The following AKAP12 variants were observed in gnomAD, a reference collection of about 807,000 sequenced individuals.
AKAP12 encodes the protein A-kinase anchoring protein 12.
AKAP12 carries 32 observed loss-of-function variants against 79.9 expected under a neutral mutation model. The observed-to-expected ratio is 0.40, with a 90% confidence interval of 0.30 to 0.54. The LOEUF is 0.54. Ranked by LOEUF, AKAP12 falls within the 20% of genes least tolerant of loss-of-function variation. AKAP12 has a pLI of 0.48. For missense variants in AKAP12, 2,074 were observed against 2,177.0 expected (o/e 0.95, Z 0.94); for synonymous variants, 808 against 857.0 (o/e 0.94, Z 1.00).
Position 151,349,654 on chromosome 6 carries a change from C to T in AKAP12, c.1263C>T (p.Val421=). 2 of 1,613,834 alleles carry T rather than the reference C, an allele frequency of 1.2e-6. No homozygotes were observed. The highest frequency in any genetic ancestry group is 1.7e-6 in the Non-Finnish European group (2 of 1,179,968). The change falls in exon 4 of 5, where the codon GTC becomes GTT. Residue 421 remains valine (V), a synonymous_variant. Coordinates refer to ENST00000402676, the MANE Select transcript of AKAP12 (RefSeq NM_005100.4). ...AAGAGGTTGTGGCCGAAGTCCACGT[C>T]AGCACCGTGGAGGAGAGAACCGAAG... ...HQEEVVAEVH[V]STVEERTEEQ... is the part of the protein sequence containing the mutation.
At chr6:151,264,149 G>A (rs573452008) in intron 2 of AKAP12, among the ~76,000 whole-genome samples, 2 of 152,214 alleles carry the variant, frequency 1.3e-5, no homozygotes, top group Admixed American at 6.5e-5. Context: ...GAGAACATCC[G>A]CTTGGCTGGG....
At chr6:151,319,154 C>G (rs1416897818) in intron 3 of AKAP12, among the ~76,000 whole-genome samples, 1 of 151,870 alleles carries the variant, frequency 6.6e-6, no homozygotes, top group Non-Finnish European at 1.5e-5. Flanking sequence ...TTTTAAAATT[C>G]TCTTTTAGTG....
intron 2 of AKAP12, among the ~76,000 whole-genome samples, chr6:151,260,856 G>A (rs1197401380): frequency 1.3e-5 from 2 of 152,086 alleles, no homozygotes; most frequent in Non-Finnish European, 2.9e-5. Context: ...GCTGAGTGTG[G>A]TGGTGCGCAC....
chr6:151,321,246 CAA>C (rs1203698884), intron 3 of AKAP12, among the ~76,000 whole-genome samples: 1 of 152,154 alleles, frequency 6.6e-6, no homozygotes, highest in Non-Finnish European at 1.5e-5. Context: ...CTCGGCCTCC[CAA>C]AGTGTTGGGA....
intron 2 of AKAP12, among the ~76,000 whole-genome samples, chr6:151,242,734 C>A (rs2114672322): frequency 6.6e-6 from 1 of 152,350 alleles, no homozygotes; most frequent in African/African-American, 2.4e-5. Context: ...GCAGTTTTCA[C>A]ATGTGTGGGT....
intron 2 of AKAP12, among the ~76,000 whole-genome samples, chr6:151,285,366 T>A (rs1309724146): frequency 7.0e-6 from 1 of 143,250 alleles, no homozygotes; most frequent in Non-Finnish European, 1.5e-5. Context: ...GAAGTACACA[T>A]CAGAGAGCTG....
At chr6:151,328,403 C>T in intron 3 of AKAP12, among the ~76,000 whole-genome samples, 1 of 150,030 alleles carries the variant, frequency 6.7e-6, no homozygotes, top group South Asian at 2.1e-4. Flanking sequence ...CTTTGGGAGG[C>T]GGAGGCGGGC....
chr6:151,348,318 C>G (rs1190215323), intron 3 of AKAP12: 1 of 410,414 alleles, frequency 2.4e-6, no homozygotes, highest in South Asian at 1.6e-5. Flanking sequence ...GAGTGAGACT[C>G]TGTCTCAAAA....
rs374563270 is a variant in AKAP12 at position 151,240,737 on chromosome 6, C to T, written c.162+13C>T. 1.0e-6 allele frequency: 1 copy of T among 995,862 alleles called. No homozygotes were observed. The highest frequency in any genetic ancestry group is 1.2e-6 in the Non-Finnish European group (1 of 826,194). The allele number at this position is 995,862 out of a possible 1,614,324, so 61.7% of individuals were successfully genotyped here. A position where few individuals can be genotyped will look rare whatever the true frequency, so the allele number is the denominator to read the frequency against. ...CCCCGCCACCAAGGTACGGGCGTGC[C>T]GGGCCACCTGCGCCGGGAGGCGCGG... On this transcript the variant is annotated intron_variant, in intron 2 of 4. Transcript: ENST00000402676.
intron 4 of AKAP12, among the ~76,000 whole-genome samples, chr6:151,354,574 C>T (rs554745048): frequency 4.4e-4 from 66 of 149,342 alleles, no homozygotes; most frequent in African/African-American, 9.2e-4. Flanking sequence ...GGGTTTTCAC[C>T]GTGTTAGCCA....
chr6:151,322,007 T>C (rs1360177633), intron 3 of AKAP12, among the ~76,000 whole-genome samples: 4 of 150,460 alleles, frequency 2.7e-5, no homozygotes, highest in African/African-American at 9.8e-5. Flanking sequence ...CCCTCTGGGT[T>C]CAAGCAATTC....
At chr6:151,315,474 C>G (rs1777213922) in intron 3 of AKAP12, among the ~76,000 whole-genome samples, 1 of 152,176 alleles carries the variant, frequency 6.6e-6, no homozygotes, top group African/African-American at 2.4e-5. Context: ...ATATCATCAC[C>G]TTGGTGATTA....
At position 151,349,865 on chromosome 6, in the gene AKAP12, C is replaced by G. The variant is rs758424925; in HGVS notation, c.1474C>G (p.Pro492Ala). ...LSPDEKVLSK[P>A]PEGVVSEVEM... ...TCCTGATGAGAAGGTGCTGTCCAAACCCCCCGAAGGCGTTGTGAGTGAGGT... is the reference window on the plus strand; with the variant it reads ...TCCTGATGAGAAGGTGCTGTCCAAAGCCCCCGAAGGCGTTGTGAGTGAGGT... The change falls in exon 4 of 5, where the codon CCC becomes GCC. Residue 492 changes from proline to alanine, a missense_variant. Physicochemically the swap from Pro to Ala is conservative, Grantham distance 27 (BLOSUM62 -1). Transcript: ENST00000402676. The G allele has an allele frequency of 6.2e-7, 1 of 1,614,136 alleles. No individual in the cohort carries two copies. Among genetic ancestry groups the G allele is most frequent in the Non-Finnish European group, 8.5e-7 (1 of 1,180,042 alleles).
At chr6:151,269,530 C>T (rs2114709375) in intron 2 of AKAP12, among the ~76,000 whole-genome samples, 1 of 152,224 alleles carries the variant, frequency 6.6e-6, no homozygotes, top group South Asian at 2.1e-4. Flanking sequence ...CAGTGTTGCT[C>T]AACTCAAGAG....
At chr6:151,296,622 C>A (rs1225713101) in intron 2 of AKAP12, among the ~76,000 whole-genome samples, 2 of 152,084 alleles carry the variant, frequency 1.3e-5, no homozygotes, top group Non-Finnish European at 2.9e-5. Context: ...ACTAAAAATA[C>A]AAAAATTAGC....
intron 3 of AKAP12, among the ~76,000 whole-genome samples, chr6:151,320,204 A>C (rs1777341951): frequency 6.6e-6 from 1 of 152,050 alleles, no homozygotes; most frequent in Admixed American, 6.5e-5. Flanking sequence ...GCTTTATTGC[A>C]GCCATCTGTC....
chr6:151,301,113 T>C (rs981114074), intron 2 of AKAP12, among the ~76,000 whole-genome samples: 2 of 152,284 alleles, frequency 1.3e-5, no homozygotes, highest in Admixed American at 6.5e-5. Flanking sequence ...GGTCCTCGAA[T>C]CCCATCTGGC....
intron 2 of AKAP12, among the ~76,000 whole-genome samples, chr6:151,302,655 A>G (rs1212268214): frequency 2.0e-5 from 3 of 152,196 alleles, no homozygotes; most frequent in African/African-American, 7.2e-5. Flanking sequence ...TGGTTCCTAA[A>G]TAAGAGGCAC....
chr6:151,307,078 G>C (rs1201864623), intron 3 of AKAP12, among the ~76,000 whole-genome samples: 1 of 152,236 alleles, frequency 6.6e-6, no homozygotes, highest in Non-Finnish European at 1.5e-5. Context: ...TTCAGGTGGA[G>C]CAGTCACTTG....
Sources: gnomAD v4.1 joint callset for allele counts (sites outside exome capture counted in the v4.1 genomes callset) on GRCh38, gnomAD v4.1.1 for gene constraint, MANE v1.5 for transcripts, NCBI Gene and HGNC (gene_info 2026-07-23, HGNC 2026-07-21) for gene names.